The following ADAMTS14 variants were observed in gnomAD, a reference collection of about 807,000 sequenced individuals.
ADAMTS14 encodes the protein ADAM metallopeptidase with thrombospondin type 1 motif 14.
Under a neutral mutation model 128.6 loss-of-function variants are expected in ADAMTS14, and 100 were observed. That is an observed-to-expected ratio of 0.78 (90% CI 0.66 to 0.92). The LOEUF is 0.92. Ranked by LOEUF, ADAMTS14 falls within the 40% of genes least tolerant of loss-of-function variation. The probability of loss-of-function intolerance (pLI) is 0.00; values close to 1 mark genes in which losing one functional copy is unlikely to be tolerated. For synonymous variants in ADAMTS14, 665 were observed against 653.8 expected, an observed-to-expected ratio of 1.02 and a Z score of -0.26; for missense variants, 1,562 against 1,658.6, an observed-to-expected ratio of 0.94 and a Z score of 1.01.
chr10:70,730,048 T>C (rs1275756340), intron 5 of ADAMTS14, 54 bp from the exon 6 acceptor site: 1 of 1,524,386 alleles, frequency 6.6e-7, no homozygotes, highest in African/African-American at 1.4e-5. Flanking sequence ...AGGCCTGCTG[T>C]TTCTAGGGCT....
chr10:70,748,531 C>T (rs1300834815), intron 15 of ADAMTS14, among the ~76,000 whole-genome samples: 3 of 152,216 alleles, frequency 2.0e-5, no homozygotes, highest in African/African-American at 7.2e-5. Context: ...TCTTCCCCAC[C>T]CTCACCCTGC....
chr10:70,686,274 CTTT>C (rs5785998), intron 2 of ADAMTS14, among the ~76,000 whole-genome samples: 1 of 125,320 alleles, frequency 8.0e-6, no homozygotes. Context: ...TCAGCCTTTG[CTTT>C]TTTTTTTTTT....
intron 1 of ADAMTS14, among the ~76,000 whole-genome samples, chr10:70,673,279 GTGTC>G (rs1452708986): frequency 3.4e-4 from 49 of 143,728 alleles, no homozygotes; most frequent in African/African-American, 1.1e-3. Flanking sequence ...GTGTGTGTGT[GTGTC>G]TGTGTGTGGC....
intron 2 of ADAMTS14, among the ~76,000 whole-genome samples, chr10:70,683,362 A>T (rs1480003327): frequency 2.0e-5 from 3 of 152,188 alleles, no homozygotes; most frequent in Non-Finnish European, 4.4e-5. Context: ...TGTTTGCAGC[A>T]CACGAAACAA....
At chr10:70,747,632 A>T (rs765066530) in intron 15 of ADAMTS14, among the ~76,000 whole-genome samples, 26 of 152,138 alleles carry the variant, frequency 1.7e-4, no homozygotes, top group Non-Finnish European at 3.5e-4. Context: ...CCCAGGGAAG[A>T]ACTAGTCTTC....
chr10:70,674,734 C>A lies in ADAMTS14; in HGVS notation c.261C>A (p.Arg87=). 1 of 1,613,490 alleles carries A rather than the reference C, an allele frequency of 6.2e-7. No individual in the cohort carries two copies. Among genetic ancestry groups the A allele is most frequent in the African/African-American group, 1.3e-5 (1 of 75,066 alleles). ...ACTCCAGTCACCTCCGGGTGGCTCG[C>A]AGCCCTCTGCACCCAGGAGGGACCC... ...PRHSSHLRVA[R]SPLHPGGTLW... The change falls in exon 2 of 22, where the codon CGC becomes CGA. Residue 87 remains arginine, a synonymous_variant. Coordinates refer to ENST00000373207, the MANE Select transcript of ADAMTS14 (RefSeq NM_080722.4).
Position 70,675,128 on chromosome 10 carries a change from C to T in ADAMTS14, c.522+133C>T, listed in dbSNP as rs184307876. 386 of 1,088,140 alleles carry T rather than the reference C, an allele frequency of 3.5e-4. 1 individual carries two copies. The African/African-American group carries it at 3.8e-3, about 11-fold the overall frequency. 67.4% of individuals were successfully genotyped at this position (1,088,140 alleles called of 1,614,324 possible). A position where few individuals can be genotyped will look rare whatever the true frequency, so the allele number is the denominator to read the frequency against. ...TGGTGCTGCCTTCCAGAGGGAGTGCCGCCTGCCCCCGCGGGCCACTAGGTT... is the reference window on the plus strand; with the variant it reads ...TGGTGCTGCCTTCCAGAGGGAGTGCTGCCTGCCCCCGCGGGCCACTAGGTT... On this transcript the variant is annotated intron_variant, in intron 2 of 21. Coordinates refer to ENST00000373207, the MANE Select transcript of ADAMTS14 (RefSeq NM_080722.4).
chr10:70,751,504 C>A lies in ADAMTS14; in HGVS notation c.2454C>A (p.Pro818=), dbSNP rs1349492583. Residue 818 remains proline (P), a synonymous_variant, in exon 17 of 22, where the codon CCC becomes CCA. Coordinates refer to ENST00000373207, the MANE Select transcript of ADAMTS14 (RefSeq NM_080722.4). ...ILALPPTEGG[P]RSSLAYKYVI... is the part of the protein sequence containing the mutation. ...CTCTCCCCCCAACTGAGGGTGGCCC[C>A]CGCAGCAGCCTGGCCTACAAGTACG... is the stretch of plus-strand genomic sequence containing the variant. The A allele has an allele frequency of 6.2e-7, 1 of 1,610,552 alleles. No homozygotes were observed. Among genetic ancestry groups the A allele is most frequent in the South Asian group, 1.1e-5 (1 of 90,976 alleles).
intron 10 of ADAMTS14, 41 bp downstream of exon 10, chr10:70,736,834 G>A (rs1450664354): frequency 6.4e-7 from 1 of 1,572,202 alleles, no homozygotes; most frequent in Non-Finnish European, 8.7e-7. Context: ...TTCCTGGGGT[G>A]CAGGGCATCC....
At chr10:70,729,412 G>C (rs1390685588) in intron 5 of ADAMTS14, 35 bp downstream of exon 5, 1 of 1,569,520 alleles carries the variant, frequency 6.4e-7, no homozygotes, top group Non-Finnish European at 8.8e-7. Context: ...GGTTTGCGGG[G>C]AGAAGGGTTG....
chr10:70,730,398 G>A, intron 6 of ADAMTS14, 149 bp downstream of exon 6: 8 of 1,171,608 alleles, frequency 6.8e-6, no homozygotes, highest in Non-Finnish European at 9.3e-6. Context: ...GATGAGCTTT[G>A]CAATGGTTTA....
At chr10:70,731,297 A>G (rs769412122) in intron 6 of ADAMTS14, among the ~76,000 whole-genome samples, 4 of 152,192 alleles carry the variant, frequency 2.6e-5, no homozygotes, top group Non-Finnish European at 5.9e-5. Context: ...ATGCACACAC[A>G]TGTATATCAC....
chr10:70,702,571 TTATC>T, intron 3 of ADAMTS14, 103 bp downstream of exon 3: 1 of 1,430,936 alleles, frequency 7.0e-7, no homozygotes. Flanking sequence ...CTCAGTCTTC[TTATC>T]TGTAAAATGG....
intron 15 of ADAMTS14, among the ~76,000 whole-genome samples, chr10:70,747,905 G>C (rs1311998112): frequency 2.6e-5 from 4 of 152,236 alleles, no homozygotes; most frequent in South Asian, 4.2e-4. Flanking sequence ...TGCACGTGTA[G>C]GGGTGTGTGT....
rs913012767 is a variant in ADAMTS14, at chr10:70,672,736, C to A, written c.-67C>A. 5 of 1,436,782 alleles carry A rather than the reference C, an allele frequency of 3.5e-6. No individual in the cohort carries two copies. The African/African-American group carries it at 7.4e-5, about 21-fold the overall frequency. 89.0% of individuals were successfully genotyped at this position (1,436,782 alleles called of 1,614,324 possible). On this transcript the variant is annotated 5_prime_UTR_variant, in exon 1 of 22. Coordinates refer to ENST00000373207, the MANE Select transcript of ADAMTS14 (RefSeq NM_080722.4). ...TCCGACAGCCCGGGGCGCACCCTAG[C>A]CTCGCCGCCCTCAGCCTGGGACTTG...
At chr10:70,686,732 G>A (rs375905131) in intron 2 of ADAMTS14, among the ~76,000 whole-genome samples, 5 of 41,812 alleles carry the variant, frequency 1.2e-4, no homozygotes, top group East Asian at 9.8e-4. Flanking sequence ...TCTTTTCCCC[G>A]CCTTTCCCGC....
chr10:70,679,375 G>A (rs1564516489), intron 2 of ADAMTS14, among the ~76,000 whole-genome samples: 1 of 152,284 alleles, frequency 6.6e-6, no homozygotes, highest in South Asian at 2.1e-4. Context: ...AGACCTGAGA[G>A]TCCCAGACTG....
intron 15 of ADAMTS14, among the ~76,000 whole-genome samples, chr10:70,748,379 C>T (rs10999508): frequency 0.041 from 6,267 of 152,296 alleles, 316 homozygotes; most frequent in East Asian, 0.24. Context: ...AGGAGCTGCC[C>T]AGCCTTAGCT....
In ADAMTS14 at chr10:70,753,831, C is replaced by T. The variant is rs765652045; in HGVS notation, c.2761C>T (p.Arg921Trp). ...GACGGAGGAGTGGGGTGCCTGCAGCCGGAGCTGTGGGAAGCTGGGGGTGCA... is the reference window on the plus strand; with the variant it reads ...GACGGAGGAGTGGGGTGCCTGCAGCTGGAGCTGTGGGAAGCTGGGGGTGCA... The part of the protein sequence containing the change: ...WVTEEWGACS[R>W]SCGKLGVQTR... Residue 921 changes from arginine (R) to tryptophan (W), a missense_variant, in exon 19 of 22, where the codon CGG becomes TGG. Transcript: ENST00000373207. 51 of 1,589,920 alleles carry T rather than the reference C, an allele frequency of 3.2e-5. No individual in the cohort carries two copies. Among genetic ancestry groups the T allele is most frequent in the Middle Eastern group, 1.7e-4 (1 of 6,038 alleles).
Sources: allele counts gnomAD v4.1 joint callset (sites outside exome capture counted in the v4.1 genomes callset), GRCh38; gene constraint gnomAD v4.1.1; transcripts MANE v1.5; gene names NCBI Gene and HGNC (gene_info 2026-07-23, HGNC 2026-07-21).